The following CCDC125 variants were observed in gnomAD, a reference collection of about 807,000 sequenced individuals.
The protein encoded by CCDC125 is coiled-coil domain-containing protein 125.
A neutral mutation model predicts 57.4 loss-of-function variants in CCDC125; 43 were observed. The observed-to-expected ratio is 0.75, with a 90% CI of 0.59 to 0.97. The LOEUF is 0.97. CCDC125 is among the 50% of genes least tolerant of loss of function. CCDC125 has a pLI of 0.00. For synonymous variants in CCDC125, 187 were observed against 195.2 expected (o/e 0.96, Z 0.35); for missense variants, 563 against 595.7 (o/e 0.95, Z 0.57).
Position 69,303,844 on chromosome 5 carries a change from T to C in CCDC125, c.700+3A>G, listed in dbSNP as rs1430566120. 1.3e-6 allele frequency: 2 copies of C among 1,547,370 alleles called. No homozygotes were observed. Among genetic ancestry groups the C allele is most frequent in the Non-Finnish European group, 1.8e-6 (2 of 1,128,340 alleles). On this transcript the variant is annotated splice_donor_region_variant and intron_variant, in intron 7 of 11. Coordinates refer to ENST00000396496, the MANE Select transcript of CCDC125 (RefSeq NM_176816.5). ...GTGCTCTTAATACAAAAATCATCAT[T>C]ACCTGCATTGTCAGACTTCAGCATT... is the stretch of plus-strand genomic sequence containing the variant.
intron 10 of CCDC125, among the ~76,000 whole-genome samples, chr5:69,287,531 G>A (rs987426901): frequency 2.6e-5 from 4 of 151,718 alleles, no homozygotes; most frequent in African/African-American, 9.7e-5. Flanking sequence ...CCAAAGTCCT[G>A]AGATTACAGG....
Position 69,303,738 on chromosome 5 carries a change from C to T in CCDC125, c.700+109G>A, listed in dbSNP as rs954389530. On this transcript the variant is annotated intron_variant, in intron 7 of 11. Transcript: ENST00000396496. ...GATAAATTTTCTTAAATTTAAAAAA[C>T]CTAAATGATACATTTCTCCCCTCTA... 4 of 643,330 alleles carry T rather than the reference C, an allele frequency of 6.2e-6. No individual in the cohort carries two copies. The African/African-American group carries it at 7.7e-5, about 12-fold the overall frequency. The allele number at this position is 643,330 out of a possible 1,614,324, so 39.9% of individuals were successfully genotyped here. A position where few individuals can be genotyped will look rare whatever the true frequency, so the allele number is the denominator to read the frequency against.
At chr5:69,315,319 T>C (rs1440013703) in intron 2 of CCDC125, among the ~76,000 whole-genome samples, 1 of 151,284 alleles carries the variant, frequency 6.6e-6, no homozygotes, top group Non-Finnish European at 1.5e-5. Flanking sequence ...TCCCAGCACT[T>C]TGGGAGGCTG....
rs535177368 is a variant in CCDC125, at chr5:69,306,354, G to A, written c.617+463C>T. On this transcript the variant is annotated intron_variant, in intron 6 of 11. Coordinates refer to ENST00000396496, the MANE Select transcript of CCDC125 (RefSeq NM_176816.5). ...TTGTTTTGTTTTATTTTTGAGACACGGACTCACTCTATCATCCAGGCTGAA... is the reference window on the plus strand; with the variant it reads ...TTGTTTTGTTTTATTTTTGAGACACAGACTCACTCTATCATCCAGGCTGAA... 6.6e-5 allele frequency among the ~76,000 whole-genome samples: 10 copies of A among 151,940 alleles called. No individual in the cohort carries two copies. In the East Asian group the frequency reaches 1.2e-3, roughly 18 times the overall value.
In CCDC125 at chr5:69,285,344, A is replaced by G. The variant is rs1303805393; in HGVS notation, c.1223T>C (p.Ile408Thr). The G allele has an allele frequency of 9.3e-6, 15 of 1,608,910 alleles. No homozygotes were observed. Among genetic ancestry groups the G allele is most frequent in the African/African-American group, 2.7e-5 (2 of 74,566 alleles). Reference sequence around the variant, plus strand: ...AAAAGCAAAGACACTAACCAAATCTATGAGCATCTTAAGGACCTCTTGAGG... The same window carrying G: ...AAAAGCAAAGACACTAACCAAATCTGTGAGCATCTTAAGGACCTCTTGAGG... ...DSPQEVLKML[I>T]DLLNDKEEAL... The change falls in exon 11 of 12, where the codon ATA (isoleucine) becomes ACA (threonine). Residue 408 changes from isoleucine (I) to threonine (T), a missense_variant. Physicochemically the swap from Ile to Thr is moderately conservative, Grantham distance 89. Transcript: ENST00000396496.
At chr5:69,297,909 G>A (rs1157404442) in intron 8 of CCDC125, among the ~76,000 whole-genome samples, 4 of 151,726 alleles carry the variant, frequency 2.6e-5, no homozygotes, top group Non-Finnish European at 4.4e-5. Flanking sequence ...GGAGGTCTAA[G>A]CTGCAGTGAG....
At chr5:69,332,509 T>A (rs1175488405) in intron 1 of CCDC125, 140 bp downstream of exon 1, 1 of 152,230 alleles carries the variant, frequency 6.6e-6, no homozygotes, top group Non-Finnish European at 1.5e-5. Context: ...AATCTATTTC[T>A]TATTTTTTTC....
chr5:69,299,398 C>G (rs187844734), intron 8 of CCDC125, among the ~76,000 whole-genome samples: 2 of 152,278 alleles, frequency 1.3e-5, no homozygotes, highest in East Asian at 3.9e-4. Context: ...CGTGAGCCAC[C>G]GTGCCCGGCC....
intron 7 of CCDC125, among the ~76,000 whole-genome samples, chr5:69,300,399 G>C (rs1373324234): frequency 6.6e-6 from 1 of 152,000 alleles, no homozygotes; most frequent in Admixed American, 6.6e-5. Flanking sequence ...AAATTTGTAG[G>C]ATTTTTCCAA....
downstream of CCDC125, among the ~76,000 whole-genome samples, chr5:69,276,854 T>G (rs1424620046): frequency 6.6e-6 from 1 of 152,262 alleles, no homozygotes; most frequent in Non-Finnish European, 1.5e-5. Context: ...TTTAGGTATG[T>G]TTACTTTCAT....
chr5:69,287,386 C>T (rs1329948756), intron 10 of CCDC125, among the ~76,000 whole-genome samples: 3 of 151,734 alleles, frequency 2.0e-5, no homozygotes, highest in African/African-American at 7.3e-5. Flanking sequence ...GCCTCAGCCT[C>T]CCGAGTAGCT....
At chr5:69,307,365 AT>A (rs934666565) in intron 5 of CCDC125, among the ~76,000 whole-genome samples, 2 of 151,618 alleles carry the variant, frequency 1.3e-5, no homozygotes, top group Non-Finnish European at 2.9e-5. Context: ...AACGATAAGG[AT>A]TTAAAAAAAA....
chr5:69,289,917 T>G (rs1341807365), intron 10 of CCDC125, among the ~76,000 whole-genome samples: 1 of 152,044 alleles, frequency 6.6e-6, no homozygotes, highest in East Asian at 1.9e-4. Context: ...GCCATTATAT[T>G]TTCTCAAAAG....
intron 10 of CCDC125, among the ~76,000 whole-genome samples, chr5:69,286,389 G>A (rs989795123): frequency 1.5e-4 from 23 of 150,776 alleles, no homozygotes; most frequent in Admixed American, 1.3e-3. Flanking sequence ...CCGCCACCAC[G>A]TCCGGCTAAT....
At chr5:69,306,674 C>T in intron 6 of CCDC125, 143 bp downstream of exon 6, 1 of 985,964 alleles carries the variant, frequency 1.0e-6, no homozygotes, top group Non-Finnish European at 1.3e-6. Flanking sequence ...TTAACACTAA[C>T]AAAAATATGC....
chr5:69,277,769 C>CAA (rs200595059), downstream of CCDC125, among the ~76,000 whole-genome samples: 63 of 131,190 alleles, frequency 4.8e-4, no homozygotes, highest in African/African-American at 1.3e-3. Flanking sequence ...GACACAGTCT[C>CAA]AAAAAAAAAA....
intron 1 of CCDC125, among the ~76,000 whole-genome samples, chr5:69,322,279 G>T (rs981763565): frequency 6.6e-6 from 1 of 152,022 alleles, no homozygotes; most frequent in Non-Finnish European, 1.5e-5. Context: ...GGCACCACGT[G>T]GGGGTGGGGA....
chr5:69,289,372 T>C (rs1754027043), intron 10 of CCDC125, among the ~76,000 whole-genome samples: 1 of 152,210 alleles, frequency 6.6e-6, no homozygotes. Context: ...CACATAGCTG[T>C]GGTCCGTGGT....
the CCDC125 span, among the ~76,000 whole-genome samples, chr5:69,274,029 CT>C: frequency 6.6e-6 from 1 of 152,090 alleles, no homozygotes. Flanking sequence ...TACACATACT[CT>C]TTTAATTTCA....
Sources: gnomAD v4.1 joint callset for allele counts (sites outside exome capture counted in the v4.1 genomes callset) on GRCh38, gnomAD v4.1.1 for gene constraint, MANE v1.5 for transcripts, NCBI Gene and HGNC (gene_info 2026-07-23, HGNC 2026-07-21) for gene names.